The following NRXN3 variants were observed in gnomAD, a reference collection of about 807,000 sequenced individuals.
NRXN3 encodes neurexin III.
NRXN3 carries 32 observed loss-of-function variants against 137.6 expected under a neutral mutation model. The ratio of observed to expected loss-of-function variants is 0.23; its 90% CI spans 0.18 to 0.31. The LOEUF is 0.31. Among genes scored for constraint, NRXN3 ranks in the 10% least tolerant of loss-of-function variants. NRXN3 has a pLI of 1.00. For synonymous variants in NRXN3, 798 were observed against 784.5 expected (o/e 1.02, Z -0.29); for missense variants, 1,574 against 2,062.5 (o/e 0.76, Z 4.59).
chr14:79,177,134 A>T (rs956349119), intron 15 of NRXN3, among the ~76,000 whole-genome samples: 1 of 152,244 alleles, frequency 6.6e-6, no homozygotes, highest in African/African-American at 2.4e-5. Flanking sequence ...GTGAGTTAAC[A>T]TTTGTAAACA....
chr14:79,588,638 A>C (rs561963758), intron 16 of NRXN3, among the ~76,000 whole-genome samples: 3 of 152,348 alleles, frequency 2.0e-5, no homozygotes, highest in African/African-American at 7.2e-5. Context: ...AGAAGACCAC[A>C]GGGAGCTGAG....
At chr14:78,244,100 T>G (rs1316023268) in intron 2 of NRXN3, among the ~76,000 whole-genome samples, 1 of 152,148 alleles carries the variant, frequency 6.6e-6, no homozygotes, top group Non-Finnish European at 1.5e-5. Flanking sequence ...CAGCACCGTT[T>G]ATCACAGTCA....
chr14:79,735,110 C>T (rs1050710638), intron 19 of NRXN3, among the ~76,000 whole-genome samples: 1 of 152,174 alleles, frequency 6.6e-6, no homozygotes, highest in African/African-American at 2.4e-5. Context: ...ATTTCTAATA[C>T]AGCAGCTTCT....
intron 8 of NRXN3, among the ~76,000 whole-genome samples, chr14:78,774,818 G>A (rs1041707504): frequency 5.3e-5 from 8 of 152,060 alleles, no homozygotes; most frequent in Admixed American, 4.6e-4. Context: ...CACCTACTTG[G>A]GAGGCTGAGA....
chr14:79,865,286 A>G lies in NRXN3; in HGVS notation c.*3322A>G, dbSNP rs1446860311. The G allele has an allele frequency of 6.6e-6, 1 of 152,192 alleles. No homozygotes were observed. Among genetic ancestry groups the G allele is most frequent in the East Asian group, 1.9e-4 (1 of 5,182 alleles). The allele number at this position is 152,192 out of a possible 1,614,324, so 9.4% of individuals were successfully genotyped here. ...CAGCTTCTTACAAGAATTTCTGATT[A>G]CAACTTGTTTCATACACCCATTGTA... is the stretch of plus-strand genomic sequence containing the variant. On this transcript the variant is annotated 3_prime_UTR_variant, in exon 21 of 21. Coordinates refer to ENST00000335750, the MANE Select transcript of NRXN3 (RefSeq NM_001330195.2).
At chr14:78,732,530 A>T (rs1055837226) in intron 8 of NRXN3, among the ~76,000 whole-genome samples, 1 of 152,204 alleles carries the variant, frequency 6.6e-6, no homozygotes, top group Non-Finnish European at 1.5e-5. Context: ...TTCAGAAGAC[A>T]TCAGAGTCTT....
chr14:78,983,930 C>T (rs965615511), intron 14 of NRXN3, among the ~76,000 whole-genome samples: 2 of 151,112 alleles, frequency 1.3e-5, no homozygotes, highest in Non-Finnish European at 2.9e-5. Flanking sequence ...TGGATGAACC[C>T]GGAGGATATT....
chr14:79,580,298 T>C (rs185087994), intron 16 of NRXN3, among the ~76,000 whole-genome samples: 1 of 152,362 alleles, frequency 6.6e-6, no homozygotes, highest in East Asian at 1.9e-4. Flanking sequence ...TTCCTTTGGA[T>C]AAAAATTCAA....
At chr14:79,803,574 C>A (rs1209213313) in intron 19 of NRXN3, among the ~76,000 whole-genome samples, 3 of 152,052 alleles carry the variant, frequency 2.0e-5, no homozygotes, top group African/African-American at 7.2e-5. Flanking sequence ...ATTTTAACTT[C>A]ATTACCTCTT....
At chr14:79,566,369 C>A (rs1189595501) in intron 16 of NRXN3, among the ~76,000 whole-genome samples, 1 of 152,028 alleles carries the variant, frequency 6.6e-6, no homozygotes, top group African/African-American at 2.4e-5. Context: ...CCTCCCAACT[C>A]CCTCCTCACC....
chr14:79,005,815 A>AGAAGAC (rs2099551371), intron 15 of NRXN3, among the ~76,000 whole-genome samples: 3 of 151,598 alleles, frequency 2.0e-5, no homozygotes, highest in Non-Finnish European at 2.9e-5. Flanking sequence ...CTATGTGATT[A>AGAAGAC]TTTTACTTGT....
At chr14:78,737,266 G>A (rs1003122520) in intron 8 of NRXN3, among the ~76,000 whole-genome samples, 8 of 152,148 alleles carry the variant, frequency 5.3e-5, no homozygotes, top group Admixed American at 5.2e-4. Flanking sequence ...ATCTGCTGGG[G>A]GTGATTTGGG....
chr14:79,702,536 G>A (rs377049937), intron 19 of NRXN3, among the ~76,000 whole-genome samples: 223 of 152,078 alleles, frequency 1.5e-3, no homozygotes, highest in African/African-American at 5.1e-3. Flanking sequence ...CAGAAGCTAA[G>A]TTGTTAAAAG....
chr14:79,636,145 G>A (rs80185402), intron 16 of NRXN3, among the ~76,000 whole-genome samples: 4,008 of 152,174 alleles, frequency 0.026, 188 homozygotes, highest in African/African-American at 0.091. Flanking sequence ...CATTATATTC[G>A]TTTGATTACA....
intron 10 of NRXN3, among the ~76,000 whole-genome samples, chr14:78,932,907 T>C (rs989923861): frequency 1.1e-4 from 16 of 152,210 alleles, no homozygotes; most frequent in Admixed American, 5.9e-4. Context: ...TCAGAGTTCT[T>C]GGAGTTGTTG....
chr14:78,356,494 C>T (rs2084326714), intron 4 of NRXN3, among the ~76,000 whole-genome samples: 2 of 152,222 alleles, frequency 1.3e-5, no homozygotes, highest in African/African-American at 4.8e-5. Flanking sequence ...GTCCTTGCTT[C>T]CACCTTTGAA....
At chr14:79,154,243 A>G (rs1414382119) in intron 15 of NRXN3, among the ~76,000 whole-genome samples, 1 of 151,928 alleles carries the variant, frequency 6.6e-6, no homozygotes, top group East Asian at 1.9e-4. Context: ...ACATAATCAC[A>G]CCTGATAGCC....
intron 14 of NRXN3, among the ~76,000 whole-genome samples, chr14:78,975,280 G>A (rs1475773944): frequency 6.6e-6 from 1 of 151,596 alleles, no homozygotes; most frequent in African/African-American, 2.4e-5. Flanking sequence ...GTCATGGGGA[G>A]TGCTCAGGGG....
intron 10 of NRXN3, among the ~76,000 whole-genome samples, chr14:78,907,586 A>G (rs543268666): frequency 1.8e-4 from 27 of 152,176 alleles, no homozygotes; most frequent in Middle Eastern, 3.4e-3. Flanking sequence ...TAAGATAAAG[A>G]AGCCTACATT....
Sources: allele counts gnomAD v4.1 joint callset (sites outside exome capture counted in the v4.1 genomes callset), GRCh38; gene constraint gnomAD v4.1.1; transcripts MANE v1.5; gene names NCBI Gene and HGNC (gene_info 2026-07-23, HGNC 2026-07-21).